ARAP2: variants seen among roughly 807,000 people sequenced by gnomAD.
The protein encoded by ARAP2 is arf-GAP with Rho-GAP domain, ANK repeat and PH domain-containing protein 2.
ARAP2 carries 148 observed loss-of-function variants against 194.5 expected under a neutral mutation model. The ratio of observed to expected loss-of-function variants is 0.76; its 90% CI spans 0.67 to 0.87. The LOEUF is 0.87. Ranked by LOEUF, ARAP2 falls within the 40% of genes least tolerant of loss-of-function variation. The pLI is 0.00. For missense variants in ARAP2, 2,128 were observed against 1,989.7 expected (o/e 1.07, Z -1.32); for synonymous variants, 695 against 683.5 (o/e 1.02, Z -0.26).
chr4:36,227,068 C>T (rs1750482821), intron 2 of ARAP2, among the ~76,000 whole-genome samples: 2 of 152,102 alleles, frequency 1.3e-5, no homozygotes, highest in Admixed American at 6.5e-5. Flanking sequence ...CTTATATAGC[C>T]AATCAACATT....
intron 28 of ARAP2, among the ~76,000 whole-genome samples, chr4:36,083,840 A>G (rs1730192818): frequency 6.6e-6 from 1 of 152,098 alleles, no homozygotes; most frequent in Admixed American, 6.6e-5. Flanking sequence ...AGTGTTGCCA[A>G]AGGAAATTGA....
At position 36,243,383 on chromosome 4, in the gene ARAP2, CAAAAAAAAAAAA is replaced by C. The variant is rs71201008; in HGVS notation, c.-160+784_-160+795del. 8.2e-5 allele frequency among the ~76,000 whole-genome samples: 7 copies of C among 85,100 alleles called. No individual in the cohort carries two copies. The East Asian group carries it at 2.0e-3, about 24-fold the overall frequency. The allele number at this position is 85,100 out of a possible 152,430, so 55.8% of individuals were successfully genotyped here. A position where few individuals can be genotyped will look rare whatever the true frequency, so the allele number is the denominator to read the frequency against. On this transcript the variant is annotated intron_variant, in intron 1 of 32. Transcript: ENST00000303965. ...ACAGCCTACTTCAAGGACAAGCTTG[CAAAAAAAAAAAA>C]AAAAAAAAAAAGAATTTGCTATCAG...
chr4:36,148,881 C>T (rs1344738632), intron 16 of ARAP2, among the ~76,000 whole-genome samples: 1 of 152,012 alleles, frequency 6.6e-6, no homozygotes, highest in African/African-American at 2.4e-5. Flanking sequence ...AGTTTTTAAC[C>T]CTCTTCTTTT....
rs11327252 is a variant in ARAP2, at chr4:36,098,055, CAA to C, written c.4286-6037_4286-6036del. Among the ~76,000 whole-genome samples the C allele has an allele frequency of 5.7e-3, 862 of 151,248 alleles. 10 individuals are homozygous for C. The highest frequency in any genetic ancestry group is 0.02 in the African/African-American group (811 of 41,196). On this transcript the variant is annotated intron_variant, in intron 27 of 32. Transcript: ENST00000303965. ...AATGAAACTGAAAAGCTCGCACCTC[CAA>C]AAAAAAAATAGTTTTTCTAAGCCAT...
chr4:36,180,708 T>A (rs1030263516), intron 8 of ARAP2, among the ~76,000 whole-genome samples: 2 of 152,224 alleles, frequency 1.3e-5, no homozygotes, highest in Non-Finnish European at 2.9e-5. Flanking sequence ...TATTTCAGTT[T>A]CTCAGGAATT....
At chr4:36,069,525 G>T (rs986586508) in intron 32 of ARAP2, among the ~76,000 whole-genome samples, 3 of 151,930 alleles carry the variant, frequency 2.0e-5, no homozygotes, top group Admixed American at 6.6e-5. Context: ...ACAAGACAGG[G>T]TTTATAAACA....
At chr4:36,114,819 T>C (rs988680714) in intron 25 of ARAP2, among the ~76,000 whole-genome samples, 1 of 151,980 alleles carries the variant, frequency 6.6e-6, no homozygotes, top group Non-Finnish European at 1.5e-5. Context: ...CCAGGGCAGA[T>C]GTCAGAGTCT....
chr4:36,150,323 T>C (rs141090335), intron 16 of ARAP2, among the ~76,000 whole-genome samples: 295 of 152,250 alleles, frequency 1.9e-3, no homozygotes, highest in Non-Finnish European at 3.3e-3. Flanking sequence ...TAAATGACTA[T>C]AATGGTCATA....
chr4:36,064,338 T>A (rs1173729972), downstream of ARAP2, among the ~76,000 whole-genome samples: 1 of 152,046 alleles, frequency 6.6e-6, no homozygotes, highest in African/African-American at 2.4e-5. Flanking sequence ...TACCACCTCC[T>A]ATTCCCAGCC....
chr4:36,241,675 C>CA (rs1314547396), intron 1 of ARAP2, among the ~76,000 whole-genome samples: 2 of 151,958 alleles, frequency 1.3e-5, no homozygotes, highest in East Asian at 1.9e-4. Context: ...AAAGACACCA[C>CA]AAAAAAACAA....
At chr4:36,070,307 T>C (rs1004077373) in intron 32 of ARAP2, among the ~76,000 whole-genome samples, 1 of 152,102 alleles carries the variant, frequency 6.6e-6, no homozygotes, top group South Asian at 2.1e-4. Context: ...GAAAGCCAAG[T>C]GCATAGACAA....
At chr4:36,157,249 A>G (rs1260374455) in intron 15 of ARAP2, among the ~76,000 whole-genome samples, 1 of 152,228 alleles carries the variant, frequency 6.6e-6, no homozygotes, top group African/African-American at 2.4e-5. Flanking sequence ...ACATTCTCCT[A>G]AACTTTTATG....
intron 5 of ARAP2, among the ~76,000 whole-genome samples, chr4:36,019,479 T>G (rs2109334731): frequency 1.3e-5 from 2 of 149,404 alleles, no homozygotes; most frequent in South Asian, 4.1e-4. Context: ...GGAATTGTGA[T>G]ACTCGCGATG....
chr4:36,198,842 C>G (rs1211078080), intron 6 of ARAP2, among the ~76,000 whole-genome samples: 1 of 152,244 alleles, frequency 6.6e-6, no homozygotes, highest in Non-Finnish European at 1.5e-5. Context: ...CTGACTTGGG[C>G]AGAGGCTGCT....
chr4:36,123,740 A>G (rs145812214), intron 22 of ARAP2, among the ~76,000 whole-genome samples: 1 of 151,980 alleles, frequency 6.6e-6, no homozygotes, highest in African/African-American at 2.4e-5. Context: ...CTTATCACTT[A>G]AAGGATAAAA....
intron 12 of ARAP2, 39 bp from the exon 13 acceptor site, chr4:36,160,680 C>A: frequency 1.5e-6 from 2 of 1,338,190 alleles, no homozygotes; most frequent in Non-Finnish European, 9.7e-7. Context: ...TATATCAGTT[C>A]ATAAAATATA....
chr4:36,130,399 C>A (rs1725137731), intron 20 of ARAP2, among the ~76,000 whole-genome samples: 1 of 151,866 alleles, frequency 6.6e-6, no homozygotes, highest in African/African-American at 2.4e-5. Context: ...GCTCTGGCCA[C>A]ATTTAATACC....
At chr4:36,226,653 T>C (rs1212622685) in intron 2 of ARAP2, among the ~76,000 whole-genome samples, 1 of 152,238 alleles carries the variant, frequency 6.6e-6, no homozygotes, top group Non-Finnish European at 1.5e-5. Context: ...ATATTACTTG[T>C]ATGAAATAAA....
rs149057049 is a variant in ARAP2 at position 36,228,808 on chromosome 4, T to A, written c.679A>T (p.Thr227Ser). The change falls in exon 2 of 33, where the codon ACA (threonine) becomes TCA (serine). Residue 227 changes from threonine (T) to serine (S), a missense_variant. By Grantham distance (58) the Thr-to-Ser change is moderately conservative (BLOSUM62 1). Coordinates refer to ENST00000303965, the MANE Select transcript of ARAP2 (RefSeq NM_015230.4). ...CCATTTGTTCCATTTCCAGAATTTG[T>A]TCCTGATGTTGAACAGCCAACAAAA... ...LSFVGCSTSG[T>S]NSGNGTNGLL... 94 of 1,614,076 alleles carry A rather than the reference T, an allele frequency of 5.8e-5. 1 individual carries two copies. The highest frequency in any genetic ancestry group is 3.8e-4 in the Admixed American group (23 of 60,000).
Sources: allele counts gnomAD v4.1 joint callset (sites outside exome capture counted in the v4.1 genomes callset), GRCh38; gene constraint gnomAD v4.1.1; transcripts MANE v1.5; gene names NCBI Gene and HGNC (gene_info 2026-07-23, HGNC 2026-07-21).